SSTR1: variants seen among roughly 807,000 people sequenced by gnomAD.
SSTR1 encodes the protein somatostatin receptor 1.
Under a neutral mutation model 20.7 loss-of-function variants are expected in SSTR1, and 10 were observed. That is an observed-to-expected ratio of 0.48 (90% confidence interval 0.30 to 0.82). The LOEUF is 0.82. Ranked by LOEUF, SSTR1 falls within the 40% of genes least tolerant of loss-of-function variation. SSTR1 has a pLI of 0.07. For synonymous variants in SSTR1, 267 were observed against 227.8 expected (o/e 1.17, Z -1.55); for missense variants, 494 against 540.0 (o/e 0.91, Z 0.84).
rs1275203350 is a variant in SSTR1, at chr14:38,210,987, A to T, written c.*422A>T. The T allele has an allele frequency of 5.6e-6, 1 of 178,340 alleles. No homozygotes were observed. Among genetic ancestry groups the T allele is most frequent in the Non-Finnish European group, 1.3e-5 (1 of 76,124 alleles). 11.0% of individuals were successfully genotyped at this position (178,340 alleles called of 1,614,324 possible). A position where few individuals can be genotyped will look rare whatever the true frequency, so the allele number is the denominator to read the frequency against. On this transcript the variant is annotated 3_prime_UTR_variant, in exon 3 of 3. Transcript: ENST00000267377. ...TCCAGTCGTTATTTCTGTTTGTTTA[A>T]GCTGAGCCACGGATACCGCCACGGG...
At position 38,209,997 on chromosome 14, in the gene SSTR1, A is replaced by T. The variant is rs1883293446; in HGVS notation, c.608A>T (p.Asp203Val). The stretch of plus-strand genomic sequence containing the variant: ...TTCTCTCGCACCGCGGCCAACAGCG[A>T]CGGCACGGTGGCTTGCAACATGCTC... ...VVFSRTAANS[D>V]GTVACNMLMP... is the part of the protein sequence containing the mutation. The change falls in exon 3 of 3, where the codon GAC becomes GTC. Residue 203 changes from aspartate to valine, a missense_variant. Asp to Val is a radical substitution (Grantham distance 152). This residue lies in a region of SSTR1 where 280 missense variants were observed against 286.1 expected (regional missense o/e 0.98). Transcript: ENST00000267377. The T allele has an allele frequency of 6.2e-7, 1 of 1,614,164 alleles. No individual in the cohort carries two copies. Among genetic ancestry groups the T allele is most frequent in the Non-Finnish European group, 8.5e-7 (1 of 1,180,052 alleles).
At chr14:38,208,166 G>A (rs1230522637) in intron 1 of SSTR1, 62 bp downstream of exon 1, 4 of 152,270 alleles carry the variant, frequency 2.6e-5, no homozygotes, top group Admixed American at 6.5e-5. Context: ...TATCTTTCCC[G>A]AGTGAACACC....
rs1218421297 is a variant in SSTR1 at position 38,211,242 on chromosome 14, C to G, written c.*677C>G. The G allele has an allele frequency of 6.0e-6, 1 of 167,008 alleles. No individual in the cohort carries two copies. The highest frequency in any genetic ancestry group is 1.5e-5 in the Non-Finnish European group (1 of 68,190). The allele number at this position is 167,008 out of a possible 1,614,324, so 10.3% of individuals were successfully genotyped here. On this transcript the variant is annotated 3_prime_UTR_variant, in exon 3 of 3. Transcript: ENST00000267377. ...TCGCCGCCCGCCCGCCACCACCACT[C>G]TCACTCCACCCAGAGTAGAGCCAGG...
In SSTR1 at chr14:38,208,059, C is replaced by T. The variant is rs1273983344; in HGVS notation, c.-557C>T. 1 of 152,272 alleles carries T rather than the reference C, an allele frequency of 6.6e-6. No individual in the cohort carries two copies. The highest frequency in any genetic ancestry group is 1.5e-5 in the Non-Finnish European group (1 of 68,068). The allele number at this position is 152,272 out of a possible 1,614,324, so 9.4% of individuals were successfully genotyped here. Reference sequence around the variant, plus strand: ...TAGAAGAGCTGGCGTCCCCGCCCGCCCAAGCCTTTAAACTCTCGTCTGCCA... The same window carrying T: ...TAGAAGAGCTGGCGTCCCCGCCCGCTCAAGCCTTTAAACTCTCGTCTGCCA... On this transcript the variant is annotated 5_prime_UTR_variant, in exon 1 of 3. Coordinates refer to ENST00000267377, the MANE Select transcript of SSTR1 (RefSeq NM_001049.3).
Position 38,210,209 on chromosome 14 carries a change from ATGATGGTGG to A in SSTR1, c.829_837del (p.Val277_Val279del). The stretch of plus-strand genomic sequence containing the variant: ...GGAGCGCAAGATCACCTTAATGGTG[ATGATGGTGG>A]TGATGGTGTTTGTCATCTGCTGGAT... On this transcript the variant is annotated inframe_deletion, in exon 3 of 3. Transcript: ENST00000267377. The A allele has an allele frequency of 6.2e-7, 1 of 1,614,230 alleles. No individual in the cohort carries two copies. Among genetic ancestry groups the A allele is most frequent in the Non-Finnish European group, 8.5e-7 (1 of 1,180,044 alleles).
rs1350813228 is a variant in SSTR1 at position 38,212,354 on chromosome 14, C to G, written c.*1789C>G. 6.0e-6 allele frequency: 1 copy of G among 167,038 alleles called. No individual in the cohort carries two copies. Among genetic ancestry groups the G allele is most frequent in the Non-Finnish European group, 1.5e-5 (1 of 68,110 alleles). The allele number at this position is 167,038 out of a possible 1,614,324, so 10.3% of individuals were successfully genotyped here. ...CAGTTTCAGGAGTGCAAGCAGCACT[C>G]AAACCTGGAGCTGAGGAATCTAATT... On this transcript the variant is annotated 3_prime_UTR_variant, in exon 3 of 3. Coordinates refer to ENST00000267377, the MANE Select transcript of SSTR1 (RefSeq NM_001049.3).
At position 38,210,348 on chromosome 14, in the gene SSTR1, C is replaced by G. The variant is rs746909814; in HGVS notation, c.959C>G (p.Pro320Arg). 6.2e-7 allele frequency: 1 copy of G among 1,614,240 alleles called. No homozygotes were observed. The highest frequency in any genetic ancestry group is 8.5e-7 in the Non-Finnish European group (1 of 1,180,040). ...GGCTATGCCAACAGCTGCGCCAACC[C>G]CATCCTCTATGGCTTTCTCTCAGAC... ...ILGYANSCANPILYGFLSDNF... is the reference protein window; with the variant it reads ...ILGYANSCANRILYGFLSDNF... Residue 320 changes from proline to arginine, a missense_variant, in exon 3 of 3, where the codon CCC (proline) becomes CGC (arginine). Physicochemically the swap from Pro to Arg is moderately radical, Grantham distance 103. Around this residue, in one of 3 missense-constraint regions of SSTR1, gnomAD observed 280 missense variants for 286.1 expected, o/e 0.98. Transcript: ENST00000267377.
Position 38,210,693 on chromosome 14 carries a change from AACGTGG to A in SSTR1, c.*129_*134del. The A allele has an allele frequency of 6.9e-7, 1 of 1,449,936 alleles. No individual in the cohort carries two copies. Among genetic ancestry groups the A allele is most frequent in the South Asian group, 1.5e-5 (1 of 67,066 alleles). The allele number at this position is 1,449,936 out of a possible 1,614,324, so 89.8% of individuals were successfully genotyped here. Reference sequence around the variant, plus strand: ...CAGGGCGCCAGGGTGCTGTCGGGATAACGTGGGGCTAGGACACTGACAGCCTTTGAT... The same window carrying A: ...CAGGGCGCCAGGGTGCTGTCGGGATAGGCTAGGACACTGACAGCCTTTGAT... On this transcript the variant is annotated 3_prime_UTR_variant, in exon 3 of 3. Transcript: ENST00000267377.
At position 38,210,242 on chromosome 14, in the gene SSTR1, A is replaced by T; in HGVS notation, c.853A>T (p.Met285Leu). 6.2e-7 allele frequency: 1 copy of T among 1,614,168 alleles called. No individual in the cohort carries two copies. Among genetic ancestry groups the T allele is most frequent in the Non-Finnish European group, 8.5e-7 (1 of 1,180,016 alleles). ...MVVMVFVICW[M>L]PFYVVQLVNV... The stretch of plus-strand genomic sequence containing the variant: ...GGTGATGGTGTTTGTCATCTGCTGG[A>T]TGCCTTTCTACGTGGTGCAGCTGGT... Residue 285 changes from methionine to leucine, a missense_variant, in exon 3 of 3, where the codon ATG (methionine) becomes TTG (leucine). By Grantham distance (15) the Met-to-Leu change is conservative. This residue lies in a region of SSTR1 where 280 missense variants were observed against 286.1 expected (regional missense o/e 0.98). Coordinates refer to ENST00000267377, the MANE Select transcript of SSTR1 (RefSeq NM_001049.3).
At position 38,209,950 on chromosome 14, in the gene SSTR1, C is replaced by T. The variant is rs765028121; in HGVS notation, c.561C>T (p.Leu187=). The change falls in exon 3 of 3, where the codon CTC becomes CTT. Residue 187 remains leucine, a synonymous_variant. Coordinates refer to ENST00000267377, the MANE Select transcript of SSTR1 (RefSeq NM_001049.3). ...TGGGCGTGTGGGTGCTATCGCTGCTCGTCATCCTGCCCATCGTGGTCTTCT... is the reference window on the plus strand; with the variant it reads ...TGGGCGTGTGGGTGCTATCGCTGCTTGTCATCCTGCCCATCGTGGTCTTCT... ...VNLGVWVLSL[L]VILPIVVFSR... is the part of the protein sequence containing the mutation. The T allele has an allele frequency of 5.6e-6, 9 of 1,613,922 alleles. No homozygotes were observed. Among genetic ancestry groups the T allele is most frequent in the African/African-American group, 2.7e-5 (2 of 74,956 alleles).
In SSTR1 at chr14:38,210,090, T is replaced by C. The variant is rs149523434; in HGVS notation, c.701T>C (p.Leu234Pro). The C allele has an allele frequency of 6.2e-7, 1 of 1,614,238 alleles. No homozygotes were observed. The highest frequency in any genetic ancestry group is 8.5e-7 in the Non-Finnish European group (1 of 1,180,054). The change falls in exon 3 of 3, where the codon CTG (leucine) becomes CCG (proline). Residue 234 changes from leucine (L) to proline (P), a missense_variant. Leu to Pro is a moderately conservative substitution (Grantham distance 98, BLOSUM62 -3). Around this residue, in one of 3 missense-constraint regions of SSTR1, gnomAD observed 280 missense variants for 286.1 expected, o/e 0.98. Transcript: ENST00000267377. Reference protein sequence around the residue: ...VLYTFLMGFLLPVGAICLCYV... With the variant: ...VLYTFLMGFLPPVGAICLCYV... ...TACACATTTCTCATGGGCTTCCTGC[T>C]GCCCGTGGGGGCTATCTGCCTGTGC... is the stretch of plus-strand genomic sequence containing the variant.
chr14:38,210,649 G>A lies in SSTR1; in HGVS notation c.*84G>A. On this transcript the variant is annotated 3_prime_UTR_variant, in exon 3 of 3. Coordinates refer to ENST00000267377, the MANE Select transcript of SSTR1 (RefSeq NM_001049.3). ...GGGGAGAATGAGAAGGGAAGGCCGG[G>A]TGCGAAAGGGACGGTATCCAGGGCG... 1.4e-6 allele frequency: 2 copies of A among 1,476,306 alleles called. No individual in the cohort carries two copies. The highest frequency in any genetic ancestry group is 1.8e-6 in the Non-Finnish European group (2 of 1,114,894). The allele number at this position is 1,476,306 out of a possible 1,614,324, so 91.5% of individuals were successfully genotyped here.
Position 38,209,829 on chromosome 14 carries a change from G to T in SSTR1, c.440G>T (p.Cys147Phe). ...DAVNMFTSIYCLTVLSVDRYV... is the reference protein window; with the variant it reads ...DAVNMFTSIYFLTVLSVDRYV... ...GTCAACATGTTCACCAGCATCTACTGTCTGACTGTGCTCAGCGTGGACCGC... is the reference window on the plus strand; with the variant it reads ...GTCAACATGTTCACCAGCATCTACTTTCTGACTGTGCTCAGCGTGGACCGC... The change falls in exon 3 of 3, where the codon TGT (cysteine) becomes TTT (phenylalanine). Residue 147 changes from cysteine to phenylalanine, a missense_variant. Cys to Phe is a radical substitution (Grantham distance 205). Coordinates refer to ENST00000267377, the MANE Select transcript of SSTR1 (RefSeq NM_001049.3). The T allele has an allele frequency of 6.2e-7, 1 of 1,613,890 alleles. No homozygotes were observed. The highest frequency in any genetic ancestry group is 8.5e-7 in the Non-Finnish European group (1 of 1,180,036).
chr14:38,209,373 G>T lies in SSTR1; in HGVS notation c.-17G>T. 6.8e-7 allele frequency: 1 copy of T among 1,474,240 alleles called. No homozygotes were observed. The highest frequency in any genetic ancestry group is 2.2e-4 in the Middle Eastern group (1 of 4,596). 91.3% of individuals were successfully genotyped at this position (1,474,240 alleles called of 1,614,324 possible). A position where few individuals can be genotyped will look rare whatever the true frequency, so the allele number is the denominator to read the frequency against. On this transcript the variant is annotated 5_prime_UTR_variant, in exon 3 of 3. Coordinates refer to ENST00000267377, the MANE Select transcript of SSTR1 (RefSeq NM_001049.3). ...AAGCCCCAGCCCTGGCAGCCCCACT[G>T]GCCCCCCTCAGCTGGGATGTTCCCC...
Position 38,210,647 on chromosome 14 carries a change from G to A in SSTR1, c.*82G>A. 3 of 1,475,562 alleles carry A rather than the reference G, an allele frequency of 2.0e-6. No homozygotes were observed. The highest frequency in any genetic ancestry group is 2.8e-5 in the African/African-American group (2 of 70,328). The allele number at this position is 1,475,562 out of a possible 1,614,324, so 91.4% of individuals were successfully genotyped here. Reference sequence around the variant, plus strand: ...AGGGGGAGAATGAGAAGGGAAGGCCGGGTGCGAAAGGGACGGTATCCAGGG... The same window carrying A: ...AGGGGGAGAATGAGAAGGGAAGGCCAGGTGCGAAAGGGACGGTATCCAGGG... On this transcript the variant is annotated 3_prime_UTR_variant, in exon 3 of 3. Coordinates refer to ENST00000267377, the MANE Select transcript of SSTR1 (RefSeq NM_001049.3).
In SSTR1 at chr14:38,211,147, C is replaced by T. The variant is rs547938579; in HGVS notation, c.*582C>T. On this transcript the variant is annotated 3_prime_UTR_variant, in exon 3 of 3. Coordinates refer to ENST00000267377, the MANE Select transcript of SSTR1 (RefSeq NM_001049.3). ...AAGGAAAGTTGGACTTGAGAAAGAT[C>T]TAAGCAGCTGGTCTTTTCTCCTACT... 2 of 167,586 alleles carry T rather than the reference C, an allele frequency of 1.2e-5. No individual in the cohort carries two copies. The highest frequency in any genetic ancestry group is 4.8e-5 in the African/African-American group (2 of 41,536). The allele number at this position is 167,586 out of a possible 1,614,324, so 10.4% of individuals were successfully genotyped here.
rs767328867 is a variant in SSTR1, at chr14:38,209,830, TCTGA to T, written c.445_448del (p.Thr149CysfsTer27). 1.2e-6 allele frequency: 2 copies of T among 1,613,840 alleles called. No individual in the cohort carries two copies. Among genetic ancestry groups the T allele is most frequent in the East Asian group, 4.5e-5 (2 of 44,812 alleles). On this transcript the variant is annotated frameshift_variant, in exon 3 of 3. Coordinates refer to ENST00000267377, the MANE Select transcript of SSTR1 (RefSeq NM_001049.3). LOFTEE classifies it high-confidence loss of function. ...TCAACATGTTCACCAGCATCTACTG[TCTGA>T]CTGTGCTCAGCGTGGACCGCTACGT... is the stretch of plus-strand genomic sequence containing the variant.
rs1883328511 is a variant in SSTR1, at chr14:38,211,488, G to A, written c.*923G>A. 6.0e-6 allele frequency: 1 copy of A among 167,262 alleles called. No homozygotes were observed. Among genetic ancestry groups the A allele is most frequent in the South Asian group, 2.1e-4 (1 of 4,840 alleles). 10.4% of individuals were successfully genotyped at this position (167,262 alleles called of 1,614,324 possible). The stretch of plus-strand genomic sequence containing the variant: ...CCGGGCCGCGCGTCTGCGTTAGGCA[G>A]GGCAGGGTAGTGCAGGGCACACCTT... On this transcript the variant is annotated 3_prime_UTR_variant, in exon 3 of 3. Coordinates refer to ENST00000267377, the MANE Select transcript of SSTR1 (RefSeq NM_001049.3).
rs1883299354 is a variant in SSTR1, at chr14:38,210,212, A to T, written c.823A>T (p.Met275Leu). Reference sequence around the variant, plus strand: ...GCGCAAGATCACCTTAATGGTGATGATGGTGGTGATGGTGTTTGTCATCTG... The same window carrying T: ...GCGCAAGATCACCTTAATGGTGATGTTGGTGGTGATGGTGTTTGTCATCTG... Reference protein sequence around the residue: ...SERKITLMVMMVVMVFVICWM... With the variant: ...SERKITLMVMLVVMVFVICWM... The change falls in exon 3 of 3, where the codon ATG becomes TTG. Residue 275 changes from methionine (M) to leucine (L), a missense_variant. Physicochemically the swap from Met to Leu is conservative, Grantham distance 15 (BLOSUM62 2). This residue lies in a region of SSTR1 where 280 missense variants were observed against 286.1 expected (regional missense o/e 0.98). Transcript: ENST00000267377. 6.2e-7 allele frequency: 1 copy of T among 1,614,238 alleles called. No homozygotes were observed. The highest frequency in any genetic ancestry group is 1.3e-5 in the African/African-American group (1 of 75,058).
Sources: allele counts gnomAD v4.1 joint callset, GRCh38; gene constraint gnomAD v4.1.1; regional missense constraint gnomAD v4.1.1; transcripts MANE v1.5; gene names NCBI Gene and HGNC (gene_info 2026-07-23, HGNC 2026-07-21).